Variants in HIVEP3 observed in about 807,000 individuals in gnomAD.
The protein encoded by HIVEP3 is HIVEP zinc finger 3.
In HIVEP3, 49 loss-of-function variants were observed where a neutral mutation model predicts 152.8. The observed-to-expected ratio is 0.32, with a 90% CI of 0.26 to 0.41. HIVEP3 has a LOEUF of 0.41. Among genes scored for constraint, HIVEP3 ranks in the 10% least tolerant of loss-of-function variants. HIVEP3 has a pLI of 1.00. For synonymous variants in HIVEP3, 1,269 were observed against 1,289.0 expected (o/e 0.98, Z 0.33); for missense variants, 2,790 against 3,103.3 (o/e 0.90, Z 2.40).
intron 5 of HIVEP3, 96 bp from the exon 6 acceptor site, chr1:41,525,006 C>G (rs1417923496): frequency 2.6e-6 from 3 of 1,166,162 alleles, no homozygotes; most frequent in South Asian, 1.5e-5. Flanking sequence ...TCATCCAGCC[C>G]GTTACAGACG....
chr1:41,830,612 A>G (rs139983115), intron 1 of HIVEP3, among the ~76,000 whole-genome samples: 2 of 152,352 alleles, frequency 1.3e-5, no homozygotes, highest in East Asian at 3.9e-4. Context: ...TCACTCGCAC[A>G]GGGACAAAGA....
intron 3 of HIVEP3, among the ~76,000 whole-genome samples, chr1:41,597,992 G>C (rs542654289): frequency 6.6e-6 from 1 of 152,142 alleles, no homozygotes; most frequent in Non-Finnish European, 1.5e-5. Context: ...ATTTATATCC[G>C]ATTTTTCCCA....
chr1:41,641,970 C>T (rs1347746326), intron 2 of HIVEP3, among the ~76,000 whole-genome samples: 5 of 152,252 alleles, frequency 3.3e-5, no homozygotes, highest in African/African-American at 4.8e-5. Flanking sequence ...GTGGGAATGA[C>T]AGTGGCGCCT....
At chr1:41,736,734 A>C (rs1332413104) in intron 1 of HIVEP3, among the ~76,000 whole-genome samples, 1 of 152,212 alleles carries the variant, frequency 6.6e-6, no homozygotes, top group Non-Finnish European at 1.5e-5. Context: ...TTAAGGCACA[A>C]GGATGATCAC....
chr1:41,583,527 C>A lies in HIVEP3; in HGVS notation c.1271G>T (p.Arg424Leu), dbSNP rs752568818. 3 of 1,614,070 alleles carry A rather than the reference C, an allele frequency of 1.9e-6. No individual in the cohort carries two copies. In the Admixed American group the frequency reaches 5.0e-5, roughly 27 times the overall value. The change falls in exon 4 of 9, where the codon CGA (arginine) becomes CTA (leucine). Residue 424 changes from arginine (R) to leucine (L), a missense_variant. This residue lies in a region of HIVEP3 where 134 missense variants were observed against 242.5 expected (regional missense o/e 0.55). Coordinates refer to ENST00000372583, the MANE Select transcript of HIVEP3 (RefSeq NM_024503.5). The surrounding 1 kb of genome is among the most constrained non-coding windows in gnomAD (Gnocchi z 6.9). ...YAEIIFGKCG[R>L]IGQRTAMLTA... The stretch of plus-strand genomic sequence containing the variant: ...CAGCATGGCGGTCCGCTGTCCTATT[C>A]GCCCACACTTGCCAAAGATGATCTC...
intron 2 of HIVEP3, among the ~76,000 whole-genome samples, chr1:41,684,191 A>C (rs955551735): frequency 1.5e-4 from 23 of 152,292 alleles, no homozygotes; most frequent in Admixed American, 1.4e-3. Context: ...TGTCTGCCTC[A>C]CCACTCTGAC....
chr1:41,943,099 G>A (rs568051024), intron 1 of HIVEP3, among the ~76,000 whole-genome samples: 88 of 152,038 alleles, frequency 5.8e-4, no homozygotes, highest in Middle Eastern at 6.8e-3. Flanking sequence ...AGTAGAGACG[G>A]GTTTCACCAT....
chr1:41,565,404 G>C (rs1485655693), intron 5 of HIVEP3, among the ~76,000 whole-genome samples: 1 of 152,004 alleles, frequency 6.6e-6, no homozygotes, highest in Non-Finnish European at 1.5e-5. Flanking sequence ...TGGGTGGGTG[G>C]GGGTTGGGCA....
At chr1:41,994,990 A>G (rs1464158425) in intron 1 of HIVEP3, among the ~76,000 whole-genome samples, 1 of 152,188 alleles carries the variant, frequency 6.6e-6, no homozygotes, top group African/African-American at 2.4e-5. Context: ...TCAAAGACAG[A>G]CAGTAACAAA....
In HIVEP3 at chr1:41,610,496, GA is replaced by G. The variant is rs200857860; in HGVS notation, c.-522+18252del. On this transcript the variant is annotated intron_variant, in intron 3 of 8. Coordinates refer to ENST00000372583, the MANE Select transcript of HIVEP3 (RefSeq NM_024503.5). ...CTAGGGGAATCCTACTGGATGGTGGGAGGGGCATTCCCATTGAGCCTCTTGA... is the reference window on the plus strand; with the variant it reads ...CTAGGGGAATCCTACTGGATGGTGGGGGGGCATTCCCATTGAGCCTCTTGA... 5.6e-3 allele frequency among the ~76,000 whole-genome samples: 853 copies of G among 152,346 alleles called. 6 individuals carry two copies. Among genetic ancestry groups the G allele is most frequent in the African/African-American group, 0.019 (794 of 41,590 alleles).
intron 1 of HIVEP3, among the ~76,000 whole-genome samples, chr1:41,786,854 C>T (rs1010694097): frequency 8.6e-5 from 13 of 151,526 alleles, no homozygotes; most frequent in African/African-American, 2.9e-4. Flanking sequence ...CAGGTCCAAG[C>T]GATTCTTGTG....
At chr1:41,869,479 G>A (rs1644039956) in intron 1 of HIVEP3, 2 of 152,264 alleles carry the variant, frequency 1.3e-5, no homozygotes, top group South Asian at 2.1e-4. Flanking sequence ...CTACATCTGA[G>A]ATCAGATGCC....
chr1:41,982,671 A>C (rs1410256116), intron 1 of HIVEP3, among the ~76,000 whole-genome samples: 3 of 152,210 alleles, frequency 2.0e-5, no homozygotes, highest in Non-Finnish European at 4.4e-5. Context: ...CTTGCCCAGT[A>C]CTATTTAACA....
intron 5 of HIVEP3, among the ~76,000 whole-genome samples, chr1:41,562,502 T>A (rs2149089634): frequency 6.6e-6 from 1 of 152,142 alleles, no homozygotes; most frequent in South Asian, 2.1e-4. Context: ...CCTTCCTTCC[T>A]TCCTCTCTTT....
rs765381703 is a variant in HIVEP3, at chr1:41,715,186, C to T, written c.-800-14191G>A. 4.6e-5 allele frequency among the ~76,000 whole-genome samples: 7 copies of T among 152,222 alleles called. No homozygotes were observed. The East Asian group carries it at 5.8e-4, about 13-fold the overall frequency. On this transcript the variant is annotated intron_variant, in intron 1 of 8. Coordinates refer to ENST00000372583, the MANE Select transcript of HIVEP3 (RefSeq NM_024503.5). ...TGGCCCCCAAATAGCTTCTTCTCTC[C>T]GACCTGGGAGCTTTCAGCCAGCCTG...
chr1:41,891,664 G>C (rs114220874), intron 1 of HIVEP3, among the ~76,000 whole-genome samples: 2 of 152,156 alleles, frequency 1.3e-5, no homozygotes. Flanking sequence ...CCCTGCTCAC[G>C]GCACTCCCCA....
At chr1:41,522,809 G>C (rs1486695000) in intron 6 of HIVEP3, among the ~76,000 whole-genome samples, 1 of 152,246 alleles carries the variant, frequency 6.6e-6, no homozygotes, top group East Asian at 1.9e-4. Flanking sequence ...ACGCGGCAGA[G>C]TGATGGTTTC....
At chr1:41,740,101 G>A (rs1451718327) in intron 1 of HIVEP3, among the ~76,000 whole-genome samples, 2 of 152,194 alleles carry the variant, frequency 1.3e-5, no homozygotes, top group African/African-American at 4.8e-5. Context: ...TCAAACCTAA[G>A]TCCTCCAGGT....
chr1:41,684,871 G>C (rs1053221637), intron 2 of HIVEP3, among the ~76,000 whole-genome samples: 1 of 152,320 alleles, frequency 6.6e-6, no homozygotes. Context: ...GGTGAGGTGA[G>C]GGCACACAGC....
Sources: gnomAD v4.1 joint callset for allele counts (sites outside exome capture counted in the v4.1 genomes callset) on GRCh38, gnomAD v4.1.1 for gene constraint, gnomAD v4.1.1 regional missense constraint, Gnocchi (gnomAD v3.1) non-coding constraint, MANE v1.5 for transcripts, NCBI Gene and HGNC (gene_info 2026-07-23, HGNC 2026-07-21) for gene names.